The following ALG12 variants were observed in gnomAD, a reference collection of about 807,000 sequenced individuals.
ALG12 encodes dol-P-Man:Man(7)GlcNAc(2)-PP-Dol alpha-1,6-mannosyltransferase.
In ALG12, 36 loss-of-function variants were observed where a neutral mutation model predicts 46.0. The observed-to-expected ratio is 0.78, with a 90% CI of 0.60 to 1.03. The LOEUF is 1.03. Ranked by LOEUF, ALG12 falls within the 50% of genes least tolerant of loss-of-function variation. The pLI, the probability that ALG12 is intolerant of heterozygous loss-of-function variation, is 0.00. For synonymous variants in ALG12, 326 were observed against 291.6 expected, an observed-to-expected ratio of 1.12 and a Z score of -1.20; for missense variants, 599 against 633.5, an observed-to-expected ratio of 0.95 and a Z score of 0.58.
chr22:49,915,385 T>G (rs2060603867), intron 1 of ALG12, among the ~76,000 whole-genome samples: 1 of 151,762 alleles, frequency 6.6e-6, no homozygotes, highest in African/African-American at 2.4e-5. Context: ...GGTGAAACCC[T>G]GTCTCTACTA....
the ALG12 span, among the ~76,000 whole-genome samples, chr22:49,865,407 C>T: frequency 2.6e-5 from 4 of 151,960 alleles, no homozygotes; most frequent in East Asian, 7.8e-4. Flanking sequence ...CCCAGCACTT[C>T]GGGGGCTAAG....
the ALG12 span, among the ~76,000 whole-genome samples, chr22:49,894,687 G>A: frequency 6.6e-6 from 1 of 152,272 alleles, no homozygotes; most frequent in Non-Finnish European, 1.5e-5. Context: ...ACTAAGAGGA[G>A]AAATAGACAA....
rs1601826862 is a variant in ALG12 at position 49,913,593 on chromosome 22, G to A, written c.162+11C>T. 4.3e-6 allele frequency: 7 copies of A among 1,613,940 alleles called. No individual in the cohort carries two copies. The highest frequency in any genetic ancestry group is 2.2e-5 in the East Asian group (1 of 44,894). ...ATGAGGTTTTCCCCAAAGACAGCAG[G>A]GGCCCCTCACCTGCTCCAGGTCTTG... On this transcript the variant is annotated intron_variant, in intron 2 of 9. Transcript: ENST00000330817.
At chr22:49,887,290 T>A in the ALG12 span, 8 of 1,173,286 alleles carry the variant, frequency 6.8e-6, no homozygotes, top group Non-Finnish European at 6.0e-6. Flanking sequence ...GACCAGGCAC[T>A]CTCAGGGCCG....
the ALG12 span, among the ~76,000 whole-genome samples, chr22:49,862,631 A>G: frequency 6.8e-6 from 1 of 147,606 alleles, no homozygotes; most frequent in African/African-American, 2.5e-5. Flanking sequence ...TACAGCAGCT[A>G]CTTCCTTATT....
chr22:49,897,567 A>T (rs2060487962), downstream of ALG12, among the ~76,000 whole-genome samples: 1 of 151,616 alleles, frequency 6.6e-6, no homozygotes, highest in South Asian at 2.1e-4. Context: ...CAATTCCCTA[A>T]TGACCATATA....
At chr22:49,862,187 C>T in the ALG12 span, among the ~76,000 whole-genome samples, 3 of 152,318 alleles carry the variant, frequency 2.0e-5, no homozygotes, top group South Asian at 6.2e-4. Context: ...TTAGTAAGTC[C>T]CCGAGGGCGG....
the ALG12 span, among the ~76,000 whole-genome samples, chr22:49,882,322 CG>C: frequency 1.2e-4 from 18 of 152,132 alleles, no homozygotes; most frequent in Non-Finnish European, 2.5e-4. Flanking sequence ...GAGGCTGAGT[CG>C]GGAGGAGGGC....
the ALG12 span, chr22:49,887,326 A>G: frequency 1.2e-6 from 1 of 802,572 alleles, no homozygotes; most frequent in South Asian, 2.1e-5. Flanking sequence ...CAGTGTCTCC[A>G]CGTGCCTTAC....
chr22:49,865,282 T>C, the ALG12 span, among the ~76,000 whole-genome samples: 2 of 152,168 alleles, frequency 1.3e-5, no homozygotes, highest in Non-Finnish European at 1.5e-5. Context: ...CGTTATCTTA[T>C]GTAGCCACTG....
chr22:49,897,245 G>A (rs766684317), downstream of ALG12, among the ~76,000 whole-genome samples: 1 of 152,180 alleles, frequency 6.6e-6, no homozygotes, highest in Non-Finnish European at 1.5e-5. Context: ...CATCTTGGTT[G>A]TTTTCAAGGT....
chr22:49,879,972 G>T, the ALG12 span, among the ~76,000 whole-genome samples: 1 of 150,870 alleles, frequency 6.6e-6, no homozygotes, highest in Non-Finnish European at 1.5e-5. Flanking sequence ...GGTCAGAGGT[G>T]GTTTTCTCCC....
the ALG12 span, chr22:49,886,623 G>A: frequency 6.3e-7 from 1 of 1,581,572 alleles, no homozygotes; most frequent in East Asian, 2.2e-5. The surrounding 1 kb of genome is among the most constrained non-coding windows in gnomAD (Gnocchi z 7.7). Flanking sequence ...CTCTGAAGGA[G>A]GCCATGGTGA....
chr22:49,913,889 C>G, intron 1 of ALG12, 46 bp from the exon 2 acceptor site: 1 of 1,321,048 alleles, frequency 7.6e-7, no homozygotes, highest in Non-Finnish European at 1.1e-6. Context: ...GTCACGCTTG[C>G]GCTCACGTTT....
intron 7 of ALG12, 151 bp from the exon 8 acceptor site, chr22:49,904,657 G>C (rs987149763): frequency 2.3e-6 from 2 of 867,002 alleles, no homozygotes; most frequent in African/African-American, 1.7e-5. Flanking sequence ...TCAGTAACCC[G>C]TAAAAGTGGT....
chr22:49,864,213 C>T, the ALG12 span, among the ~76,000 whole-genome samples: 1 of 152,182 alleles, frequency 6.6e-6, no homozygotes, highest in African/African-American at 2.4e-5. Flanking sequence ...CTTACGTCTC[C>T]GTCCTCTTTT....
At chr22:49,868,764 T>C in the ALG12 span, among the ~76,000 whole-genome samples, 1 of 151,876 alleles carries the variant, frequency 6.6e-6, no homozygotes, top group African/African-American at 2.4e-5. Context: ...GTTGAGCAAA[T>C]GAGGAAATCT....
the ALG12 span, chr22:49,884,316 C>T: frequency 5.6e-6 from 9 of 1,613,802 alleles, no homozygotes; most frequent in African/African-American, 1.3e-5. Flanking sequence ...AGATCCCGTC[C>T]CCCGATCGAA....
downstream of ALG12, among the ~76,000 whole-genome samples, chr22:49,897,640 T>C (rs1315181187): frequency 6.6e-6 from 1 of 151,850 alleles, no homozygotes; most frequent in East Asian, 1.9e-4. Context: ...GAGGGGTCTA[T>C]TCAGATCTTT....
Sources: allele counts gnomAD v4.1 joint callset (sites outside exome capture counted in the v4.1 genomes callset), GRCh38; gene constraint gnomAD v4.1.1; non-coding constraint Gnocchi (gnomAD v3.1); transcripts MANE v1.5; gene names NCBI Gene and HGNC (gene_info 2026-07-23, HGNC 2026-07-21).